Variants in FLT3 observed in about 807,000 individuals in gnomAD.
FLT3 encodes the protein receptor-type tyrosine-protein kinase FLT3.
A neutral mutation model predicts 126.6 loss-of-function variants in FLT3; 46 were observed. The observed-to-expected ratio is 0.36, with a 90% CI of 0.29 to 0.46. The LOEUF is 0.46. Ranked by LOEUF, FLT3 falls within the 20% of genes least tolerant of loss-of-function variation. The probability of loss-of-function intolerance (pLI) is 1.00; values close to 1 mark genes in which losing one functional copy is unlikely to be tolerated. For synonymous variants in FLT3, 404 were observed against 434.4 expected (o/e 0.93, Z 0.87); for missense variants, 1,069 against 1,190.3 (o/e 0.90, Z 1.50).
chr13:28,011,179 G>A (rs531921876), intron 23 of FLT3, among the ~76,000 whole-genome samples: 18 of 144,466 alleles, frequency 1.2e-4, no homozygotes, highest in African/African-American at 2.8e-4. Context: ...GCGTGGTGGC[G>A]CGTGCCTGTA....
At chr13:28,086,398 G>A (rs1878672730) in intron 1 of FLT3, among the ~76,000 whole-genome samples, 1 of 152,084 alleles carries the variant, frequency 6.6e-6, no homozygotes, top group Non-Finnish European at 1.5e-5. Flanking sequence ...TTCAGGCTTT[G>A]TGGTATTGCT....
intron 1 of FLT3, among the ~76,000 whole-genome samples, chr13:28,076,999 CAGAA>C (rs374315442): frequency 7.2e-5 from 9 of 124,586 alleles, no homozygotes; most frequent in East Asian, 2.3e-4. Context: ...AAGAGACAGA[CAGAA>C]AGGAAGGAAG....
At chr13:28,073,015 A>AAAAAAC (rs1555261265) in intron 1 of FLT3, among the ~76,000 whole-genome samples, 73 of 150,082 alleles carry the variant, frequency 4.9e-4, no homozygotes, top group African/African-American at 6.6e-4. Context: ...TAAAAAAAAA[A>AAAAAAC]AACAACAACA....
chr13:28,035,643 C>A lies in FLT3; in HGVS notation c.1449G>T (p.Trp483Cys). 1 of 1,613,882 alleles carries A rather than the reference C, an allele frequency of 6.2e-7. No individual in the cohort carries two copies. The highest frequency in any genetic ancestry group is 8.5e-7 in the Non-Finnish European group (1 of 1,179,952). Residue 483 changes from tryptophan (W) to cysteine (C), a missense_variant, in exon 12 of 24, where the codon TGG becomes TGT. Physicochemically the swap from Trp to Cys is radical, Grantham distance 215. Transcript: ENST00000241453. ...ACACTTTTCTGTTAGCCTTTCTATT[C>A]CAGACTCCTTCTGTGATCTCTTCTG... is the stretch of plus-strand genomic sequence containing the variant. ...NCTEEITEGV[W>C]NRKANRKVFG...
chr13:28,014,891 T>A (rs1157521545), intron 22 of FLT3, among the ~76,000 whole-genome samples: 1 of 152,168 alleles, frequency 6.6e-6, no homozygotes, highest in Non-Finnish European at 1.5e-5. Flanking sequence ...GAGTTTTCTT[T>A]TCTTTTTAAA....
rs537263454 is a variant in FLT3, at chr13:28,038,617, TA to T, written c.1206-1330del. ...ACAGGCTCCTGCCACCACGCCCGGC[TA>T]ATTTTTTATATTTTTTAGTAGAGAC... On this transcript the variant is annotated intron_variant, in intron 9 of 23. Coordinates refer to ENST00000241453, the MANE Select transcript of FLT3 (RefSeq NM_004119.3). Among the ~76,000 whole-genome samples the T allele has an allele frequency of 4.1e-3, 625 of 152,094 alleles. 2 individuals are homozygous for T. Among genetic ancestry groups the T allele is most frequent in the African/African-American group, 0.014 (560 of 41,472 alleles).
At chr13:28,006,771 GAGTC>G (rs2137585516) in intron 23 of FLT3, among the ~76,000 whole-genome samples, 1 of 145,520 alleles carries the variant, frequency 6.9e-6, no homozygotes, top group African/African-American at 2.6e-5. Context: ...TGTTGTGACA[GAGTC>G]TCACTCTGTT....
intron 23 of FLT3, among the ~76,000 whole-genome samples, chr13:28,005,200 G>A (rs1165791342): frequency 3.3e-5 from 5 of 152,082 alleles, no homozygotes; most frequent in East Asian, 1.9e-4. Flanking sequence ...ATGGCGGCGC[G>A]CGCCTGCAGT....
chr13:28,035,844 T>C, intron 11 of FLT3, 91 bp downstream of exon 11: 1 of 1,253,424 alleles, frequency 8.0e-7, no homozygotes, highest in East Asian at 2.3e-5. Context: ...AAATATTTCA[T>C]CATTTCCTCT....
chr13:28,045,815 A>G (rs1874801405), intron 9 of FLT3, among the ~76,000 whole-genome samples: 1 of 148,918 alleles, frequency 6.7e-6, no homozygotes, highest in African/African-American at 2.5e-5. Flanking sequence ...AGATCGTGCC[A>G]CTGCACTTCA....
At chr13:28,013,896 T>C (rs747632355) in intron 23 of FLT3, among the ~76,000 whole-genome samples, 3 of 152,224 alleles carry the variant, frequency 2.0e-5, no homozygotes, top group Non-Finnish European at 4.4e-5. Flanking sequence ...TTCACTGCAC[T>C]GAACTCTTAA....
intron 3 of FLT3, among the ~76,000 whole-genome samples, chr13:28,060,568 G>A (rs2137764554): frequency 6.8e-6 from 1 of 147,554 alleles, no homozygotes; most frequent in East Asian, 2.0e-4. Context: ...ACTTATATAT[G>A]TGTCTGTGTG....
At chr13:28,026,607 A>G (rs1036816089) in intron 17 of FLT3, among the ~76,000 whole-genome samples, 1 of 152,172 alleles carries the variant, frequency 6.6e-6, no homozygotes, top group Non-Finnish European at 1.5e-5. Context: ...GAGCAGAGAC[A>G]AGGTTACTGC....
intron 15 of FLT3, among the ~76,000 whole-genome samples, chr13:28,032,123 T>C (rs1286507107): frequency 6.6e-6 from 1 of 152,118 alleles, no homozygotes; most frequent in African/African-American, 2.4e-5. Flanking sequence ...CTATATAGAA[T>C]GTGGTTATTT....
chr13:28,091,496 C>G (rs749616525), intron 1 of FLT3, among the ~76,000 whole-genome samples: 2 of 151,798 alleles, frequency 1.3e-5, no homozygotes, highest in South Asian at 4.2e-4. Context: ...GCTGGGATTA[C>G]AGGCGTGAGC....
rs1872088142 is a variant in FLT3, at chr13:28,018,494, A to G, written c.2514T>C (p.Ser838=). ...TGCCCCTGACAACATAGTTGGAATC[A>G]CTCATGATATCTCGAGCCAATCCAA... ...CDFGLARDIM[S]DSNYVVRGNA... Residue 838 remains serine, a synonymous_variant, in exon 20 of 24, where the codon AGT becomes AGC. Transcript: ENST00000241453. The G allele has an allele frequency of 1.2e-6, 2 of 1,613,976 alleles. No individual in the cohort carries two copies. Among genetic ancestry groups the G allele is most frequent in the East Asian group, 4.5e-5 (2 of 44,888 alleles).
chr13:28,014,306 A>C, intron 23 of FLT3, 146 bp downstream of exon 23: 1 of 608,308 alleles, frequency 1.6e-6, no homozygotes, highest in Non-Finnish European at 2.9e-6. Flanking sequence ...ATAAAGTCTT[A>C]CCCCACACAA....
In FLT3 at chr13:28,034,147, T is replaced by C. The variant is rs1057520024; in HGVS notation, c.1772A>G (p.Tyr591Cys). Residue 591 changes from tyrosine to cysteine, a missense_variant, in exon 14 of 24, where the codon TAC becomes TGC. By Grantham distance (194) the Tyr-to-Cys change is radical. Transcript: ENST00000241453. ...VTGSSDNEYF[Y>C]VDFREYEYDL... is the part of the protein sequence containing the mutation. ...ATATTCATATTCTCTGAAATCAACG[T>C]AGAAGTACTCATTATCTGAGGAGCC... The C allele has an allele frequency of 1.9e-6, 3 of 1,613,818 alleles. No homozygotes were observed. The highest frequency in any genetic ancestry group is 2.5e-6 in the Non-Finnish European group (3 of 1,179,838).
chr13:28,066,339 T>C (rs1189663944), intron 2 of FLT3, among the ~76,000 whole-genome samples: 2 of 152,170 alleles, frequency 1.3e-5, no homozygotes, highest in Non-Finnish European at 2.9e-5. Flanking sequence ...CCAGCAGCAA[T>C]GGGCACACCC....
Sources: gnomAD v4.1 joint callset for allele counts (sites outside exome capture counted in the v4.1 genomes callset) on GRCh38, gnomAD v4.1.1 for gene constraint, MANE v1.5 for transcripts, NCBI Gene and HGNC (gene_info 2026-07-23, HGNC 2026-07-21) for gene names.